The following ZNF341 variants were observed in gnomAD, a reference collection of about 807,000 sequenced individuals.
ZNF341 encodes zinc finger protein 341.
ZNF341 carries 52 observed loss-of-function variants against 87.7 expected under a neutral mutation model. The ratio of observed to expected loss-of-function variants is 0.59; its 90% CI spans 0.47 to 0.75. The LOEUF is 0.75. Ranked by LOEUF, ZNF341 falls within the 30% of genes least tolerant of loss-of-function variation. The pLI, the probability that ZNF341 is intolerant of heterozygous loss-of-function variation, is 0.00. For synonymous variants in ZNF341, 459 were observed against 472.7 expected (o/e 0.97, Z 0.38); for missense variants, 977 against 1,145.9 (o/e 0.85, Z 2.13).
At chr20:33,776,571 A>G (rs1651494030) in intron 10 of ZNF341, among the ~76,000 whole-genome samples, 1 of 152,142 alleles carries the variant, frequency 6.6e-6, no homozygotes, top group African/African-American at 2.4e-5. Flanking sequence ...TTTTTTATAA[A>G]GATGGAATTT....
At chr20:33,779,875 C>T (rs1212215039) in intron 10 of ZNF341, among the ~76,000 whole-genome samples, 1 of 152,206 alleles carries the variant, frequency 6.6e-6, no homozygotes, top group African/African-American at 2.4e-5. Flanking sequence ...ATCTGTCTGA[C>T]TCTTTAATGT....
chr20:33,745,058 C>T (rs897532630), intron 2 of ZNF341, 45 bp from the exon 3 acceptor site: 3 of 1,560,156 alleles, frequency 1.9e-6, no homozygotes, highest in Non-Finnish European at 2.6e-6. Context: ...ATTACTTTAC[C>T]TTCATCTGTG....
chr20:33,753,117 T>A (rs2019095162), intron 4 of ZNF341, 55 bp from the exon 5 acceptor site: 22 of 1,609,252 alleles, frequency 1.4e-5, no homozygotes, highest in Middle Eastern at 2.2e-4. Flanking sequence ...TCCTTCCTGA[T>A]AAATAAGACA....
At chr20:33,734,312 A>C (rs948231518) in intron 1 of ZNF341, among the ~76,000 whole-genome samples, 1 of 152,194 alleles carries the variant, frequency 6.6e-6, no homozygotes, top group African/African-American at 2.4e-5. Context: ...GTGTGGAGCT[A>C]ACAAAAGGTT....
At chr20:33,790,902 A>G in intron 14 of ZNF341, 86 bp from the exon 15 acceptor site, 1 of 1,465,936 alleles carries the variant, frequency 6.8e-7, no homozygotes, top group Non-Finnish European at 9.1e-7. Flanking sequence ...CTGGTGGGGA[A>G]AGAGCCTGGA....
chr20:33,783,614 A>G, intron 11 of ZNF341, 118 bp from the exon 12 acceptor site: 4 of 1,444,084 alleles, frequency 2.8e-6, no homozygotes, highest in Non-Finnish European at 3.8e-6. Context: ...CTGGCCCCTG[A>G]TAGCCAGAAA....
At chr20:33,774,671 T>C (rs2019595704) in intron 10 of ZNF341, among the ~76,000 whole-genome samples, 1 of 152,218 alleles carries the variant, frequency 6.6e-6, no homozygotes, top group Non-Finnish European at 1.5e-5. Flanking sequence ...ACTTTTTCAC[T>C]TAAAACAGTA....
chr20:33,750,394 T>C (rs935329829), intron 4 of ZNF341, among the ~76,000 whole-genome samples: 5 of 152,154 alleles, frequency 3.3e-5, no homozygotes, highest in Admixed American at 6.6e-5. Context: ...ACTTTTTTTT[T>C]CCCTGTTTGG....
intron 10 of ZNF341, among the ~76,000 whole-genome samples, chr20:33,772,471 A>C (rs1303332939): frequency 1.3e-5 from 2 of 152,202 alleles, no homozygotes; most frequent in Non-Finnish European, 2.9e-5. Flanking sequence ...CTTAAAATGC[A>C]TGGGCTGCTC....
At chr20:33,780,081 C>T (rs1200555985) in intron 10 of ZNF341, among the ~76,000 whole-genome samples, 1 of 152,058 alleles carries the variant, frequency 6.6e-6, no homozygotes, top group Non-Finnish European at 1.5e-5. Flanking sequence ...TCGTGGGGGG[C>T]AACTTGAGAC....
chr20:33,780,686 A>G (rs1293022450), intron 10 of ZNF341, among the ~76,000 whole-genome samples: 1 of 150,724 alleles, frequency 6.6e-6, no homozygotes, highest in African/African-American at 2.4e-5. Context: ...CTGGGATTAC[A>G]GGTGTGAGTC....
chr20:33,791,442 G>A lies in ZNF341; in HGVS notation c.2490G>A (p.Leu830=). The A allele has an allele frequency of 1.2e-6, 2 of 1,609,782 alleles. No homozygotes were observed. The highest frequency in any genetic ancestry group is 8.5e-7 in the Non-Finnish European group (1 of 1,179,356). ...AGGGGCTGGGCTCCAACCTGGCTCT[G>A]GCGGAGCTGCAGGCTGGGGCCGAGG... The part of the protein sequence containing the change: ...HAEGLGSNLA[L]AELQAGAEGP... The change falls in exon 15 of 15, where the codon CTG becomes CTA. Residue 830 remains leucine, a synonymous_variant. Coordinates refer to ENST00000375200, the MANE Select transcript of ZNF341 (RefSeq NM_001282933.2).
In ZNF341 at chr20:33,791,067, C is replaced by T. The variant is rs1426588499; in HGVS notation, c.2115C>T (p.His705=). Residue 705 remains histidine, a synonymous_variant, in exon 15 of 15, where the codon CAC becomes CAT. Coordinates refer to ENST00000375200, the MANE Select transcript of ZNF341 (RefSeq NM_001282933.2). ...ACCTCGCCGAGCATCAGCGCGCCCA[C>T]ACGGGCAACTACAAGTTCCGCTGTG... ...RAHLAEHQRA[H]TGNYKFRCAG... 1.9e-6 allele frequency: 3 copies of T among 1,613,446 alleles called. No homozygotes were observed. The highest frequency in any genetic ancestry group is 2.2e-5 in the South Asian group (2 of 91,086).
intron 11 of ZNF341, 108 bp downstream of exon 11, chr20:33,781,495 G>A (rs924254344): frequency 4.1e-5 from 40 of 966,792 alleles, no homozygotes; most frequent in Non-Finnish European, 5.5e-5. Flanking sequence ...CATAGGACAC[G>A]CAGGCAGGGC....
At chr20:33,784,263 C>T (rs1259917886) in intron 12 of ZNF341, among the ~76,000 whole-genome samples, 1 of 19,702 alleles carries the variant, frequency 5.1e-5, no homozygotes, top group Non-Finnish European at 1.0e-4. Flanking sequence ...CCATCTCTCT[C>T]CCCCCCATCT....
At position 33,781,482 on chromosome 20, in the gene ZNF341, C is replaced by CA. The variant is rs1258450964; in HGVS notation, c.1719+96dup. ...ACCTCACCCTTTCCTTCTCCTCTCT[C>CA]ACCATAGGACACGCAGGCAGGGCTC... On this transcript the variant is annotated intron_variant, in intron 11 of 14. Coordinates refer to ENST00000375200, the MANE Select transcript of ZNF341 (RefSeq NM_001282933.2). The CA allele has an allele frequency of 5.5e-6, 6 of 1,099,418 alleles. No individual in the cohort carries two copies. The African/African-American group carries it at 9.3e-5, about 17-fold the overall frequency. The allele number at this position is 1,099,418 out of a possible 1,614,324, so 68.1% of individuals were successfully genotyped here.
chr20:33,774,117 T>TAA (rs60445142), intron 10 of ZNF341, among the ~76,000 whole-genome samples: 64 of 100,080 alleles, frequency 6.4e-4, no homozygotes, highest in African/African-American at 2.3e-3. Flanking sequence ...CTGTCTCTAC[T>TAA]AAAAAAAAAA....
intron 4 of ZNF341, among the ~76,000 whole-genome samples, chr20:33,749,484 A>G (rs183218794): frequency 2.6e-4 from 39 of 151,856 alleles, no homozygotes; most frequent in Admixed American, 2.4e-3. Flanking sequence ...TTTAGTAGAG[A>G]CAGGTTTTCT....
rs978758372 is a variant in ZNF341 at position 33,739,350 on chromosome 20, G to A, written c.32-1552G>A. ...TCCCAGTAAAAGCTGAGAGGTTGGA[G>A]GCAGAGCATCGGCTGTGGGGTCATA... On this transcript the variant is annotated intron_variant, in intron 1 of 14. Transcript: ENST00000375200. Among the ~76,000 whole-genome samples, 7 of 152,222 alleles carry A rather than the reference G, an allele frequency of 4.6e-5. No individual in the cohort carries two copies. The East Asian group carries it at 1.3e-3, about 29-fold the overall frequency.
Sources: gnomAD v4.1 joint callset for allele counts (sites outside exome capture counted in the v4.1 genomes callset) on GRCh38, gnomAD v4.1.1 for gene constraint, MANE v1.5 for transcripts, NCBI Gene and HGNC (gene_info 2026-07-23, HGNC 2026-07-21) for gene names.